DCAF5: variants seen among roughly 807,000 people sequenced by gnomAD.
The protein encoded by DCAF5 is DDB1- and CUL4-associated factor 5.
In DCAF5, 9 loss-of-function variants were observed where a neutral mutation model predicts 80.7. The ratio of observed to expected loss-of-function variants is 0.11; its 90% CI spans 0.07 to 0.19. The LOEUF is 0.19. DCAF5 is among the 10% of genes least tolerant of loss of function. DCAF5 has a pLI of 1.00. For synonymous variants in DCAF5, 433 were observed against 461.9 expected, an observed-to-expected ratio of 0.94 and a Z score of 0.80; for missense variants, 842 against 1,205.7, an observed-to-expected ratio of 0.70 and a Z score of 4.47.
chr14:69,122,155 G>A (rs774107790), intron 2 of DCAF5, 62 bp downstream of exon 2: 26 of 1,562,576 alleles, frequency 1.7e-5, no homozygotes, highest in South Asian at 5.7e-5. Flanking sequence ...AGTTATTTTC[G>A]CACTCTTTTC....
At chr14:69,107,924 C>T (rs2140027108) in intron 5 of DCAF5, among the ~76,000 whole-genome samples, 1 of 152,310 alleles carries the variant, frequency 6.6e-6, no homozygotes, top group Middle Eastern at 3.4e-3. Flanking sequence ...ATGAATAAAA[C>T]ACGCACCTGC....
intron 6 of DCAF5, among the ~76,000 whole-genome samples, chr14:69,086,358 A>AAAAC (rs529860798): frequency 3.9e-5 from 6 of 152,174 alleles, no homozygotes; most frequent in Non-Finnish European, 7.3e-5. Flanking sequence ...ACTCCGTCTA[A>AAAAC]AAACAAACAA....
chr14:69,145,531 T>C (rs1199272854), intron 1 of DCAF5, among the ~76,000 whole-genome samples: 1 of 152,086 alleles, frequency 6.6e-6, no homozygotes, highest in East Asian at 1.9e-4. Flanking sequence ...AAAATTTTAA[T>C]TTCCCATACT....
intron 5 of DCAF5, among the ~76,000 whole-genome samples, chr14:69,107,119 A>G (rs985431170): frequency 2.6e-5 from 4 of 152,214 alleles, no homozygotes; most frequent in African/African-American, 4.8e-5. Context: ...ACTTCTGAAT[A>G]ACTGGACTTG....
intron 4 of DCAF5, among the ~76,000 whole-genome samples, 177 bp from the exon 5 acceptor site, chr14:69,116,672 T>A (rs2040553884): frequency 6.6e-6 from 1 of 152,098 alleles, no homozygotes; most frequent in Admixed American, 6.6e-5. Context: ...TCCCCATGAG[T>A]CCTATACATA....
chr14:69,081,610 C>A (rs1436771447), intron 6 of DCAF5, among the ~76,000 whole-genome samples: 2 of 152,106 alleles, frequency 1.3e-5, no homozygotes, highest in African/African-American at 2.4e-5. Context: ...AAGAGATCAA[C>A]AACTCTCTCT....
At chr14:69,142,896 A>T (rs1943989756) in intron 1 of DCAF5, among the ~76,000 whole-genome samples, 1 of 152,228 alleles carries the variant, frequency 6.6e-6, no homozygotes, top group African/African-American at 2.4e-5. Context: ...GGGCTAACAG[A>T]CAAGAGAAAC....
Position 69,064,939 on chromosome 14 carries a change from T to C in DCAF5, c.947-2428A>G, listed in dbSNP as rs556499784. Among the ~76,000 whole-genome samples the C allele has an allele frequency of 2.4e-4, 37 of 152,308 alleles. 2 individuals carry two copies. In the South Asian group the frequency reaches 5.0e-3, roughly 20 times the overall value. ...GGAAGGTCTCATATAAAGAATCAGC[T>C]ATCATAGAACTAAAGTGCATCAACC... On this transcript the variant is annotated intron_variant, in intron 7 of 8. Transcript: ENST00000341516.
chr14:69,103,324 C>T (rs2040028837), intron 5 of DCAF5, among the ~76,000 whole-genome samples: 1 of 152,282 alleles, frequency 6.6e-6, no homozygotes, highest in East Asian at 1.9e-4. Context: ...TCACTACCCC[C>T]AGGAGAAAAC....
chr14:69,082,822 A>G (rs1372149103), intron 6 of DCAF5, among the ~76,000 whole-genome samples: 1 of 152,244 alleles, frequency 6.6e-6, no homozygotes, highest in Admixed American at 6.5e-5. Context: ...AAAAAGAGGC[A>G]AAGCTCTTCT....
At chr14:69,088,028 A>T (rs1438982378) in intron 6 of DCAF5, among the ~76,000 whole-genome samples, 1 of 152,190 alleles carries the variant, frequency 6.6e-6, no homozygotes, top group African/African-American at 2.4e-5. Flanking sequence ...AAAAATCTTT[A>T]TTTCTGTCCT....
chr14:69,135,489 CTA>C (rs1157213170), intron 1 of DCAF5, among the ~76,000 whole-genome samples: 2 of 152,120 alleles, frequency 1.3e-5, no homozygotes, highest in African/African-American at 2.4e-5. Flanking sequence ...GAAAAAGTAT[CTA>C]TGAGATAGTT....
intron 5 of DCAF5, among the ~76,000 whole-genome samples, chr14:69,106,823 T>C (rs1270807387): frequency 6.6e-6 from 1 of 152,112 alleles, no homozygotes; most frequent in African/African-American, 2.4e-5. Context: ...GTGGATCACT[T>C]GAAGTCAGGA....
intron 5 of DCAF5, among the ~76,000 whole-genome samples, chr14:69,106,851 C>T (rs943296452): frequency 1.3e-5 from 2 of 152,002 alleles, no homozygotes; most frequent in Non-Finnish European, 2.9e-5. Flanking sequence ...ACCAACCTGG[C>T]CAACATGGTG....
intron 1 of DCAF5, among the ~76,000 whole-genome samples, chr14:69,138,968 A>G (rs2041271774): frequency 6.6e-6 from 1 of 152,046 alleles, no homozygotes; most frequent in Non-Finnish European, 1.5e-5. Context: ...CAACATGGTA[A>G]GACCCCGTCT....
intron 1 of DCAF5, among the ~76,000 whole-genome samples, chr14:69,128,274 C>T (rs1030560037): frequency 1.3e-5 from 2 of 151,652 alleles, no homozygotes; most frequent in South Asian, 2.1e-4. Flanking sequence ...GCAGCCTCCA[C>T]CTCCCAGGTT....
chr14:69,131,759 CT>C (rs11458918), intron 1 of DCAF5, among the ~76,000 whole-genome samples: 1,783 of 133,750 alleles, frequency 0.013, 24 homozygotes, highest in African/African-American at 0.038. Flanking sequence ...ACTTTCCAGG[CT>C]TTTTTTTTTT....
Position 69,053,497 on chromosome 14 carries a change from T to A in DCAF5, c.*360A>T, listed in dbSNP as rs912458964. 2.1e-5 allele frequency: 4 copies of A among 192,012 alleles called. No individual in the cohort carries two copies. The highest frequency in any genetic ancestry group is 3.2e-5 in the Non-Finnish European group (3 of 92,940). 11.9% of individuals were successfully genotyped at this position (192,012 alleles called of 1,614,324 possible). On this transcript the variant is annotated 3_prime_UTR_variant, in exon 9 of 9. Transcript: ENST00000341516. Reference sequence around the variant, plus strand: ...TTCTGATGGAGAACTAAAAGGAAGGTCTTATGAGACAATAAGCGCACACGT... The same window carrying A: ...TTCTGATGGAGAACTAAAAGGAAGGACTTATGAGACAATAAGCGCACACGT...
intron 1 of DCAF5, among the ~76,000 whole-genome samples, chr14:69,127,509 G>T (rs141889893): frequency 5.6e-4 from 86 of 152,304 alleles, no homozygotes; most frequent in African/African-American, 1.9e-3. Flanking sequence ...ATATGGAGCA[G>T]AGAAGATTTT....
Sources: gnomAD v4.1 joint callset for allele counts (sites outside exome capture counted in the v4.1 genomes callset) on GRCh38, gnomAD v4.1.1 for gene constraint, MANE v1.5 for transcripts, NCBI Gene and HGNC (gene_info 2026-07-23, HGNC 2026-07-21) for gene names.